The following EXOC1 variants were observed in gnomAD, a reference collection of about 807,000 sequenced individuals.
EXOC1 encodes exocyst complex component 1.
In EXOC1, 67 loss-of-function variants were observed where a neutral mutation model predicts 107.7. The ratio of observed to expected loss-of-function variants is 0.62; its 90% CI spans 0.51 to 0.76. The LOEUF (loss-of-function observed/expected upper bound fraction) is 0.76, where lower values mean the gene tolerates loss of function less well. Ranked by LOEUF, EXOC1 falls within the 30% of genes least tolerant of loss-of-function variation. The pLI, the probability that EXOC1 is intolerant of heterozygous loss-of-function variation, is 0.00. For synonymous variants in EXOC1, 348 were observed against 353.5 expected, an observed-to-expected ratio of 0.98 and a Z score of 0.17; for missense variants, 833 against 1,055.7, an observed-to-expected ratio of 0.79 and a Z score of 2.92.
chr4:55,890,992 T>C (rs975147930), intron 12 of EXOC1, among the ~76,000 whole-genome samples: 2 of 152,232 alleles, frequency 1.3e-5, no homozygotes, highest in Non-Finnish European at 2.9e-5. Context: ...CCTCCCAAAG[T>C]GCTGGGATTA....
At position 55,886,528 on chromosome 4, in the gene EXOC1, G is replaced by A. The variant is rs534588638; in HGVS notation, c.1331-2360G>A. Among the ~76,000 whole-genome samples, 35 of 150,262 alleles carry A rather than the reference G, an allele frequency of 2.3e-4. 1 individual carries two copies. The highest frequency in any genetic ancestry group is 8.6e-4 in the African/African-American group (35 of 40,858). ...TGATTGTGCCACTACACTCCAGCCT[G>A]GACAACAGAGCAAGACCCTGTCTCA... On this transcript the variant is annotated intron_variant, in intron 10 of 18. Coordinates refer to ENST00000381295, the MANE Select transcript of EXOC1 (RefSeq NM_001024924.2).
At chr4:55,901,976 A>G (rs1242101913) in intron 17 of EXOC1, among the ~76,000 whole-genome samples, 1 of 152,194 alleles carries the variant, frequency 6.6e-6, no homozygotes, top group African/African-American at 2.4e-5. Context: ...GTCCAAAAAA[A>G]GAAGGGGGAG....
chr4:55,893,000 A>T (rs185484435), intron 14 of EXOC1, among the ~76,000 whole-genome samples: 1 of 152,210 alleles, frequency 6.6e-6, no homozygotes, highest in Non-Finnish European at 1.5e-5. Context: ...CACAAAGCAC[A>T]TTTCATGACC....
intron 16 of EXOC1, among the ~76,000 whole-genome samples, chr4:55,898,103 A>T (rs899489802): frequency 3.8e-4 from 58 of 152,174 alleles, no homozygotes; most frequent in African/African-American, 9.9e-4. Context: ...AAAAAAATTT[A>T]AAAAATTAGC....
In EXOC1 at chr4:55,894,771, C is replaced by T. The variant is rs570687719; in HGVS notation, c.1953+991C>T. Among the ~76,000 whole-genome samples the T allele has an allele frequency of 7.2e-5, 11 of 151,806 alleles. 1 individual carries two copies. Among genetic ancestry groups the T allele is most frequent in the East Asian group, 3.9e-4 (2 of 5,164 alleles). ...CCGAGTAGCTGGGATTGCAGGCATG[C>T]GCCACCACGCCCTGCTAGTTTTGTA... is the stretch of plus-strand genomic sequence containing the variant. On this transcript the variant is annotated intron_variant, in intron 15 of 18. Coordinates refer to ENST00000381295, the MANE Select transcript of EXOC1 (RefSeq NM_001024924.2).
At chr4:55,893,907 G>T in intron 15 of EXOC1, 127 bp downstream of exon 15, 1 of 739,606 alleles carries the variant, frequency 1.4e-6, no homozygotes, top group Non-Finnish European at 2.2e-6. Flanking sequence ...CCTCGAAGCA[G>T]GGCATGGCAA....
At chr4:55,881,328 G>T (rs971742746) in intron 9 of EXOC1, among the ~76,000 whole-genome samples, 2 of 152,174 alleles carry the variant, frequency 1.3e-5, no homozygotes, top group Non-Finnish European at 2.9e-5. Context: ...GAGATTGGCA[G>T]TCTGACTTGA....
In EXOC1 at chr4:55,904,599, A is replaced by G. The variant is rs1019935858; in HGVS notation, c.*104A>G. ...TTTGAGAACCCAGACTTAAAATTTT[A>G]TGTATTATTAAATGTTAGATAAATG... On this transcript the variant is annotated 3_prime_UTR_variant, in exon 19 of 19. Coordinates refer to ENST00000381295, the MANE Select transcript of EXOC1 (RefSeq NM_001024924.2). 6.8e-6 allele frequency: 8 copies of G among 1,182,874 alleles called. No individual in the cohort carries two copies. The African/African-American group carries it at 7.8e-5, about 12-fold the overall frequency. 73.3% of individuals were successfully genotyped at this position (1,182,874 alleles called of 1,614,324 possible). A position where few individuals can be genotyped will look rare whatever the true frequency, so the allele number is the denominator to read the frequency against.
intron 7 of EXOC1, 105 bp downstream of exon 7, chr4:55,871,338 G>T: frequency 8.8e-6 from 12 of 1,362,002 alleles, no homozygotes; most frequent in South Asian, 6.0e-5. Context: ...GTGGTTTAAG[G>T]GTTACATTAT....
At chr4:55,870,644 G>C in intron 5 of EXOC1, 34 bp from the exon 6 acceptor site, 1 of 1,537,892 alleles carries the variant, frequency 6.5e-7, no homozygotes, top group Non-Finnish European at 9.0e-7. Context: ...TTGTTTGTTT[G>C]TTTGTTTGTT....
chr4:55,894,614 C>CT (rs772700227), intron 15 of EXOC1, among the ~76,000 whole-genome samples: 3,992 of 76,078 alleles, frequency 0.052, 516 homozygotes, highest in African/African-American at 0.1. Context: ...CTATCTGTTA[C>CT]TTTTTTTTTT....
chr4:55,891,209 AGATTATG>A (rs1724505633), intron 12 of EXOC1, 99 bp from the exon 13 acceptor site: 1 of 678,730 alleles, frequency 1.5e-6, no homozygotes, highest in Admixed American at 2.6e-5. Flanking sequence ...TAGATTAGTG[AGATTATG>A]GATCCATGGT....
chr4:55,887,959 G>A (rs112502102), intron 10 of EXOC1, among the ~76,000 whole-genome samples: 1 of 152,192 alleles, frequency 6.6e-6, no homozygotes, highest in African/African-American at 2.4e-5. Flanking sequence ...AGATATACCA[G>A]TCACTGATGT....
chr4:55,900,788 GA>G (rs1372909039), intron 17 of EXOC1: 4 of 152,340 alleles, frequency 2.6e-5, no homozygotes, highest in Admixed American at 6.5e-5. Context: ...TGAGGCAGGA[GA>G]ATCACTTGAT....
Position 55,892,949 on chromosome 4 carries a change from G to T in EXOC1, c.1724+238G>T, listed in dbSNP as rs562278403. On this transcript the variant is annotated intron_variant, in intron 14 of 18. Coordinates refer to ENST00000381295, the MANE Select transcript of EXOC1 (RefSeq NM_001024924.2). ...GATGAAGTCAGTCTGTTGTTTGCTG[G>T]TAGGGGGAAGCCTTTGAATTGTAGT... is the stretch of plus-strand genomic sequence containing the variant. Among the ~76,000 whole-genome samples, 12 of 152,244 alleles carry T rather than the reference G, an allele frequency of 7.9e-5. No individual in the cohort carries two copies. The East Asian group carries it at 2.3e-3, about 29-fold the overall frequency.
chr4:55,859,925 A>G (rs946246660), intron 2 of EXOC1, among the ~76,000 whole-genome samples: 1 of 152,214 alleles, frequency 6.6e-6, no homozygotes, highest in African/African-American at 2.4e-5. Context: ...GCATTGCTAT[A>G]AAGAAATTCT....
chr4:55,871,992 C>G (rs1323619185), intron 8 of EXOC1, 34 bp downstream of exon 8: 2 of 1,567,634 alleles, frequency 1.3e-6, no homozygotes, highest in Non-Finnish European at 1.8e-6. Context: ...CGAGCATGTT[C>G]CTATAGCTTA....
At position 55,864,263 on chromosome 4, in the gene EXOC1, T is replaced by C. The variant is rs754001082; in HGVS notation, c.292T>C (p.Tyr98His). The C allele has an allele frequency of 7.5e-6, 12 of 1,596,272 alleles. No individual in the cohort carries two copies. The highest frequency in any genetic ancestry group is 1.0e-5 in the Non-Finnish European group (12 of 1,171,458). The change falls in exon 4 of 19, where the codon TAT becomes CAT. Residue 98 changes from tyrosine (Y) to histidine (H), a missense_variant. By Grantham distance (83) the Tyr-to-His change is moderately conservative. Around this residue, in one of 2 missense-constraint regions of EXOC1, gnomAD observed 617 missense variants for 701.3 expected, o/e 0.88. Coordinates refer to ENST00000381295, the MANE Select transcript of EXOC1 (RefSeq NM_001024924.2). ...PEFDLHFEKI[Y>H]KWVASSTAEK... Reference sequence around the variant, plus strand: ...ATTTGATTTACACTTTGAAAAAATATATAAATGGGTTGCCAGCAGCACTGC... The same window carrying C: ...ATTTGATTTACACTTTGAAAAAATACATAAATGGGTTGCCAGCAGCACTGC...
Position 55,866,642 on chromosome 4 carries a change from A to AAT in EXOC1, c.416-1689_416-1688dup, listed in dbSNP as rs1421202213. ...AAGACTAAGAGAAATTAGAAAGATA[A>AAT]ATATATTTGTAGTCACTATCAGAAA... On this transcript the variant is annotated intron_variant, in intron 4 of 18. Coordinates refer to ENST00000381295, the MANE Select transcript of EXOC1 (RefSeq NM_001024924.2). 2.0e-5 allele frequency among the ~76,000 whole-genome samples: 3 copies of AAT among 152,274 alleles called. No individual in the cohort carries two copies. In the South Asian group the frequency reaches 6.2e-4, roughly 32 times the overall value.
Sources: gnomAD v4.1 joint callset for allele counts (sites outside exome capture counted in the v4.1 genomes callset) on GRCh38, gnomAD v4.1.1 for gene constraint, gnomAD v4.1.1 regional missense constraint, MANE v1.5 for transcripts, NCBI Gene and HGNC (gene_info 2026-07-23, HGNC 2026-07-21) for gene names.